Variants in C10orf90 observed in about 807,000 individuals in gnomAD.
The protein encoded by C10orf90 is chromosome 10 open reading frame 90, also known as (E2-independent) E3 ubiquitin-conjugating enzyme FATS.
In C10orf90, 56 loss-of-function variants were observed where a neutral mutation model predicts 62.5. That is an observed-to-expected ratio of 0.90 (90% CI 0.72 to 1.12). The LOEUF (loss-of-function observed/expected upper bound fraction) is 1.12. Among genes scored for constraint, C10orf90 ranks in the 50% most tolerant of loss-of-function variants. C10orf90 has a pLI of 0.00. For synonymous variants in C10orf90, 386 were observed against 340.4 expected (o/e 1.13, Z -1.47); for missense variants, 970 against 880.4 (o/e 1.10, Z -1.29).
intron 2 of C10orf90, among the ~76,000 whole-genome samples, chr10:126,544,126 A>T (rs537682999): frequency 6.6e-5 from 10 of 152,208 alleles, no homozygotes; most frequent in Non-Finnish European, 1.0e-4. Flanking sequence ...TAATATTGTC[A>T]ACTAACTCAA....
chr10:126,626,766 T>C (rs1296597178), intron 2 of C10orf90, among the ~76,000 whole-genome samples: 1 of 151,944 alleles, frequency 6.6e-6, no homozygotes, highest in Non-Finnish European at 1.5e-5. Flanking sequence ...AAAAACAGAG[T>C]TGATGCTGAA....
At chr10:126,561,753 A>G (rs991746428) in intron 2 of C10orf90, among the ~76,000 whole-genome samples, 1 of 152,130 alleles carries the variant, frequency 6.6e-6, no homozygotes, top group African/African-American at 2.4e-5. Context: ...ACAGGCAAAC[A>G]GTGGACAGTT....
intron 2 of C10orf90, among the ~76,000 whole-genome samples, chr10:126,644,743 G>T (rs1846132525): frequency 1.3e-5 from 2 of 152,178 alleles, no homozygotes; most frequent in Non-Finnish European, 2.9e-5. Flanking sequence ...GAGGACCAAG[G>T]CATCCACATT....
In C10orf90 at chr10:126,512,372, C is replaced by G. The variant is rs1241752980; in HGVS notation, c.405+1476G>C. Among the ~76,000 whole-genome samples the G allele has an allele frequency of 6.1e-3, 397 of 64,952 alleles. 4 individuals carry two copies. The highest frequency in any genetic ancestry group is 0.016 in the African/African-American group (363 of 22,342). The allele number at this position is 64,952 out of a possible 152,430, so 42.6% of individuals were successfully genotyped here. ...TGTCTGTGTGTGTGTGTATGTGTGT[C>G]TGTGTGTGTGTGTCTGTGTGTGTGT... On this transcript the variant is annotated intron_variant, in intron 3 of 9. Coordinates refer to ENST00000488181, the MANE Select transcript of C10orf90 (RefSeq NM_001350921.2).
intron 2 of C10orf90, among the ~76,000 whole-genome samples, chr10:126,644,604 C>A (rs967242445): frequency 4.6e-5 from 7 of 152,234 alleles, no homozygotes; most frequent in African/African-American, 1.7e-4. Context: ...GTTGCCTGAA[C>A]AATTTCCCTG....
intron 1 of C10orf90, among the ~76,000 whole-genome samples, chr10:126,649,830 A>C (rs969448701): frequency 1.3e-5 from 2 of 152,186 alleles, no homozygotes; most frequent in African/African-American, 4.8e-5. Flanking sequence ...TGCTGGGAGC[A>C]GGGCCTACCT....
chr10:126,630,717 G>A (rs1845835276), intron 2 of C10orf90, among the ~76,000 whole-genome samples: 1 of 152,164 alleles, frequency 6.6e-6, no homozygotes, highest in Admixed American at 6.5e-5. Context: ...ACCTCTCCAG[G>A]TGTCAGTTAC....
intron 2 of C10orf90, among the ~76,000 whole-genome samples, chr10:126,612,619 A>G (rs1591144067): frequency 6.6e-6 from 1 of 152,318 alleles, no homozygotes; most frequent in East Asian, 1.9e-4. Context: ...TATGTAGAAA[A>G]GCACAAAGTT....
At position 126,463,514 on chromosome 10, in the gene C10orf90, C is replaced by T. The variant is rs1860117283; in HGVS notation, c.1825+1182G>A. The T allele has an allele frequency of 1.3e-5, 2 of 152,740 alleles. 1 individual carries two copies. Among genetic ancestry groups the T allele is most frequent in the South Asian group, 4.1e-4 (2 of 4,838 alleles). 9.5% of individuals were successfully genotyped at this position (152,740 alleles called of 1,614,324 possible). On this transcript the variant is annotated intron_variant, in intron 5 of 9. Transcript: ENST00000488181. ...CCTTCCAACCTGATGCACGTGACCCCTGCAGACTCACGCCAGCCACTGCCA... is the reference window on the plus strand; with the variant it reads ...CCTTCCAACCTGATGCACGTGACCCTTGCAGACTCACGCCAGCCACTGCCA...
chr10:126,652,204 T>G (rs1233596041), intron 1 of C10orf90, among the ~76,000 whole-genome samples: 1 of 152,220 alleles, frequency 6.6e-6, no homozygotes, highest in African/African-American at 2.4e-5. Context: ...TCTACCATGA[T>G]TCCCTCTTCA....
In C10orf90 at chr10:126,625,150, G is replaced by A. The variant is rs532115015; in HGVS notation, c.313+21415C>T. ...TTGGAAGTGGAGCAATTGTACCTAA[G>A]CAGACACTCACGTGCCATTTCCCCC... is the stretch of plus-strand genomic sequence containing the variant. On this transcript the variant is annotated intron_variant, in intron 2 of 9. Transcript: ENST00000488181. Among the ~76,000 whole-genome samples, 6 of 152,236 alleles carry A rather than the reference G, an allele frequency of 3.9e-5. No individual in the cohort carries two copies. In the East Asian group the frequency reaches 1.2e-3, roughly 29 times the overall value.
chr10:126,579,145 C>T (rs1027482680), intron 2 of C10orf90, among the ~76,000 whole-genome samples: 14 of 152,026 alleles, frequency 9.2e-5, no homozygotes, highest in Non-Finnish European at 1.6e-4. Flanking sequence ...CAACAGCATA[C>T]GCCATATCCT....
At chr10:126,563,405 C>A (rs1456841246) in intron 2 of C10orf90, among the ~76,000 whole-genome samples, 1 of 152,116 alleles carries the variant, frequency 6.6e-6, no homozygotes, top group Non-Finnish European at 1.5e-5. Context: ...TTAACCAGAG[C>A]CATAAATGGC....
intron 2 of C10orf90, among the ~76,000 whole-genome samples, chr10:126,562,707 T>C (rs1330660827): frequency 2.6e-5 from 4 of 152,164 alleles, no homozygotes; most frequent in Admixed American, 6.5e-5. Context: ...AATTCTCCTA[T>C]AGCCTGCTGC....
rs951600302 is a variant in C10orf90, at chr10:126,524,502, A to G, written c.314-10563T>C. 4 of 428,134 alleles carry G rather than the reference A, an allele frequency of 9.3e-6. No homozygotes were observed. In the Admixed American group the frequency reaches 2.6e-4, roughly 27 times the overall value. The allele number at this position is 428,134 out of a possible 1,614,324, so 26.5% of individuals were successfully genotyped here. Reference sequence around the variant, plus strand: ...CTGCTGGGAAGACTAAGAAATTAGGAGCCTCACCTAAGCAGAGAGTCAGGG... The same window carrying G: ...CTGCTGGGAAGACTAAGAAATTAGGGGCCTCACCTAAGCAGAGAGTCAGGG... On this transcript the variant is annotated intron_variant, in intron 2 of 9. Transcript: ENST00000488181.
At chr10:126,449,946 G>T (rs570048577) in intron 7 of C10orf90, among the ~76,000 whole-genome samples, 14 of 148,574 alleles carry the variant, frequency 9.4e-5, no homozygotes, top group African/African-American at 3.5e-4. Context: ...GCAGTGAGCC[G>T]AGATTGCACC....
At chr10:126,450,752 A>T (rs929897081) in intron 7 of C10orf90, among the ~76,000 whole-genome samples, 1 of 152,238 alleles carries the variant, frequency 6.6e-6, no homozygotes, top group Non-Finnish European at 1.5e-5. Context: ...AGAAGAAAAC[A>T]GAGGAAAAGC....
At chr10:126,431,067 A>T (rs751712628) in intron 7 of C10orf90, among the ~76,000 whole-genome samples, 1 of 152,222 alleles carries the variant, frequency 6.6e-6, no homozygotes, top group South Asian at 2.1e-4. Flanking sequence ...AACTTCAAAG[A>T]CAAGATTGAA....
intron 2 of C10orf90, among the ~76,000 whole-genome samples, chr10:126,643,023 C>T (rs1382167697): frequency 6.6e-6 from 1 of 152,230 alleles, no homozygotes. Context: ...ACCATAGCCA[C>T]TGCTCCACCT....
Sources: allele counts gnomAD v4.1 joint callset (sites outside exome capture counted in the v4.1 genomes callset), GRCh38; gene constraint gnomAD v4.1.1; transcripts MANE v1.5; gene names NCBI Gene and HGNC (gene_info 2026-07-23, HGNC 2026-07-21).